Variants in STPG2 observed in about 807,000 individuals in gnomAD.
The protein encoded by STPG2 is sperm-tail PG-rich repeat-containing protein 2.
In STPG2, 56 loss-of-function variants were observed where a neutral mutation model predicts 54.2. The observed-to-expected ratio is 1.03, with a 90% CI of 0.83 to 1.29. The LOEUF (loss-of-function observed/expected upper bound fraction) is 1.29. Among genes scored for constraint, STPG2 ranks in the 50% most tolerant of loss-of-function variants. STPG2 has a pLI of 0.00. For missense variants in STPG2, 596 were observed against 544.9 expected, an observed-to-expected ratio of 1.09 and a Z score of -0.93; for synonymous variants, 200 against 181.8, an observed-to-expected ratio of 1.10 and a Z score of -0.81.
At chr4:97,576,626 C>T (rs898878523) in intron 10 of STPG2, among the ~76,000 whole-genome samples, 1 of 151,956 alleles carries the variant, frequency 6.6e-6, no homozygotes, top group African/African-American at 2.4e-5. Context: ...AATTAAAGAC[C>T]TAAAACTATA....
chr4:97,902,126 C>A (rs1440705904), intron 8 of STPG2, among the ~76,000 whole-genome samples: 6 of 151,924 alleles, frequency 3.9e-5, no homozygotes, highest in Admixed American at 3.9e-4. Context: ...AAATCAGATC[C>A]TTAACACCAT....
intron 5 of STPG2, among the ~76,000 whole-genome samples, chr4:98,056,115 C>G (rs548559219): frequency 2.0e-5 from 3 of 152,164 alleles, no homozygotes; most frequent in African/African-American, 7.2e-5. Flanking sequence ...TTTGCCCCCC[C>G]CCAAATAAAC....
chr4:97,655,510 T>G (rs1460138942), intron 10 of STPG2, among the ~76,000 whole-genome samples: 7 of 152,106 alleles, frequency 4.6e-5, no homozygotes, highest in Non-Finnish European at 1.5e-5. Context: ...TTGATTCATA[T>G]TAATGTCAAT....
intron 10 of STPG2, among the ~76,000 whole-genome samples, chr4:97,705,756 T>C (rs1052150397): frequency 2.0e-5 from 3 of 151,906 alleles, no homozygotes; most frequent in African/African-American, 7.2e-5. Context: ...TGTTTATATA[T>C]AGTTTCTCCT....
chr4:97,937,489 G>A (rs550950201), intron 8 of STPG2, among the ~76,000 whole-genome samples: 1 of 152,130 alleles, frequency 6.6e-6, no homozygotes. Flanking sequence ...GCGGTTTTTT[G>A]TTAATTCTTT....
At chr4:97,604,101 G>A (rs780385693) in intron 10 of STPG2, among the ~76,000 whole-genome samples, 7 of 151,516 alleles carry the variant, frequency 4.6e-5, no homozygotes, top group Non-Finnish European at 1.0e-4. Context: ...CATGAAACTC[G>A]GAATCTGGGT....
At chr4:97,874,782 C>T (rs1425112105) in intron 8 of STPG2, among the ~76,000 whole-genome samples, 1 of 151,494 alleles carries the variant, frequency 6.6e-6, no homozygotes, top group African/African-American at 2.4e-5. Flanking sequence ...CGAAATGGGG[C>T]CTTTAAAAGG....
intron 4 of STPG2, among the ~76,000 whole-genome samples, chr4:97,496,864 G>A (rs940461040): frequency 6.6e-6 from 1 of 151,626 alleles, no homozygotes; most frequent in Non-Finnish European, 1.5e-5. Context: ...TTCAGGAGTT[G>A]TTTGTTTCTC....
intron 10 of STPG2, among the ~76,000 whole-genome samples, chr4:97,625,200 T>C (rs1188372427): frequency 1.3e-5 from 2 of 152,212 alleles, no homozygotes; most frequent in Non-Finnish European, 2.9e-5. Flanking sequence ...AAATTCAGCT[T>C]TATGTTTTTC....
chr4:97,633,626 G>A (rs1394458803), intron 10 of STPG2: 1 of 152,240 alleles, frequency 6.6e-6, no homozygotes, highest in Non-Finnish European at 1.5e-5. Flanking sequence ...GCGCAGGTCA[G>A]TGGGTGCGCG....
At chr4:97,515,539 G>GT (rs1246192918) in intron 4 of STPG2, among the ~76,000 whole-genome samples, 2 of 152,054 alleles carry the variant, frequency 1.3e-5, no homozygotes, top group Admixed American at 1.3e-4. Flanking sequence ...GTAGTAAATT[G>GT]TAAGTTGAGG....
intron 5 of STPG2, among the ~76,000 whole-genome samples, chr4:98,075,294 A>G (rs1400028438): frequency 1.3e-5 from 2 of 152,158 alleles, no homozygotes; most frequent in Non-Finnish European, 2.9e-5. Flanking sequence ...TCCCAAGGGG[A>G]AAAGCAGCAC....
chr4:97,538,079 C>A (rs1004584219), intron 4 of STPG2, among the ~76,000 whole-genome samples: 10 of 152,116 alleles, frequency 6.6e-5, no homozygotes, highest in Non-Finnish European at 1.3e-4. Context: ...GTAGAAAAAA[C>A]CACAAAGATG....
intron 5 of STPG2, among the ~76,000 whole-genome samples, chr4:98,012,137 A>ATGAG (rs1735775452): frequency 6.6e-6 from 1 of 151,192 alleles, no homozygotes; most frequent in African/African-American, 2.4e-5. Flanking sequence ...TGTATAATGC[A>ATGAG]TAAGGGGTCC....
At chr4:97,853,239 T>A (rs930812461) in intron 8 of STPG2, among the ~76,000 whole-genome samples, 8 of 152,034 alleles carry the variant, frequency 5.3e-5, no homozygotes, top group African/African-American at 1.9e-4. Flanking sequence ...GTGCTGGGAT[T>A]ACAGGCGTGA....
intron 8 of STPG2, among the ~76,000 whole-genome samples, chr4:97,857,736 C>T (rs949095269): frequency 4.1e-4 from 63 of 151,868 alleles, no homozygotes; most frequent in Admixed American, 4.1e-3. Flanking sequence ...AGATATATGA[C>T]CTTTCAGACA....
chr4:98,016,726 A>G (rs1735957593), intron 5 of STPG2, among the ~76,000 whole-genome samples: 2 of 152,118 alleles, frequency 1.3e-5, no homozygotes, highest in Non-Finnish European at 2.9e-5. Flanking sequence ...TCTTTAACAC[A>G]ATGGTTCTTT....
intron 4 of STPG2, among the ~76,000 whole-genome samples, chr4:97,547,212 CTTTT>C (rs776615674): frequency 7.1e-6 from 1 of 141,542 alleles, no homozygotes; most frequent in African/African-American, 2.6e-5. Context: ...AGACGAGAAA[CTTTT>C]TTTTTTTTTT....
At chr4:97,747,908 C>T (rs1190520345) in intron 9 of STPG2, among the ~76,000 whole-genome samples, 1 of 151,306 alleles carries the variant, frequency 6.6e-6, no homozygotes, top group Non-Finnish European at 1.5e-5. Context: ...TAATATTTCC[C>T]AGCAGATCAC....
Sources: allele counts gnomAD v4.1 joint callset (sites outside exome capture counted in the v4.1 genomes callset), GRCh38; gene constraint gnomAD v4.1.1; transcripts MANE v1.5; gene names NCBI Gene and HGNC (gene_info 2026-07-23, HGNC 2026-07-21).